KCNH5: variants seen among roughly 807,000 people sequenced by gnomAD.
KCNH5 encodes voltage-gated delayed rectifier potassium channel KCNH5.
A neutral mutation model predicts 96.1 loss-of-function variants in KCNH5; 46 were observed. That is an observed-to-expected ratio of 0.48 (90% CI 0.38 to 0.61). KCNH5 has a LOEUF of 0.61. Ranked by LOEUF, KCNH5 falls within the 20% of genes least tolerant of loss-of-function variation. The probability of loss-of-function intolerance (pLI) is 0.00; values close to 1 mark genes in which losing one functional copy is unlikely to be tolerated. For synonymous variants in KCNH5, 439 were observed against 449.8 expected (o/e 0.98, Z 0.30); for missense variants, 907 against 1,225.8 (o/e 0.74, Z 3.88).
chr14:62,736,546 C>T (rs1465243442), intron 10 of KCNH5, among the ~76,000 whole-genome samples: 4 of 152,140 alleles, frequency 2.6e-5, no homozygotes, highest in Admixed American at 1.3e-4. Context: ...AACCTCCCTC[C>T]AGCCAGGAAG....
intron 7 of KCNH5, among the ~76,000 whole-genome samples, chr14:62,939,798 G>C (rs1566715399): frequency 6.6e-6 from 1 of 152,042 alleles, no homozygotes; most frequent in Non-Finnish European, 1.5e-5. Context: ...AAATTAGCCA[G>C]ACGTGGTGGT....
intron 10 of KCNH5, among the ~76,000 whole-genome samples, chr14:62,747,326 A>G (rs1434479042): frequency 6.6e-6 from 1 of 152,038 alleles, no homozygotes; most frequent in African/African-American, 2.4e-5. Context: ...CAAGAGTGAA[A>G]CTTTGTCTCA....
intron 7 of KCNH5, among the ~76,000 whole-genome samples, chr14:62,910,134 CA>C (rs1285496583): frequency 1.4e-5 from 2 of 146,732 alleles, no homozygotes; most frequent in African/African-American, 2.7e-5. Flanking sequence ...CAATTCACTA[CA>C]CTAACATGTT....
At chr14:62,927,551 C>T (rs1274857776) in intron 7 of KCNH5, among the ~76,000 whole-genome samples, 1 of 152,000 alleles carries the variant, frequency 6.6e-6, no homozygotes, top group Admixed American at 6.6e-5. Context: ...TATTGTTCAC[C>T]CTTACAAAAG....
intron 10 of KCNH5, among the ~76,000 whole-genome samples, chr14:62,771,937 G>A (rs980330954): frequency 1.6e-4 from 24 of 152,116 alleles, no homozygotes; most frequent in Admixed American, 1.4e-3. Context: ...ATATAACATA[G>A]ACATGGTATT....
At chr14:62,958,238 A>C (rs2140136367) in intron 6 of KCNH5, among the ~76,000 whole-genome samples, 1 of 152,364 alleles carries the variant, frequency 6.6e-6, no homozygotes, top group South Asian at 2.1e-4. Flanking sequence ...GCCAACAAAT[A>C]CTTCATGAGA....
At position 62,705,380 on chromosome 14, in the gene KCNH5, TAAAC is replaced by T. The variant is rs1326209689; in HGVS notation, c.*2124_*2127del. 5 of 151,984 alleles carry T rather than the reference TAAAC, an allele frequency of 3.3e-5. No individual in the cohort carries two copies. Among genetic ancestry groups the T allele is most frequent in the Non-Finnish European group, 7.4e-5 (5 of 67,866 alleles). 9.4% of individuals were successfully genotyped at this position (151,984 alleles called of 1,614,324 possible). Reference sequence around the variant, plus strand: ...TTAAAAGCTTAAGCCAAACTTGACTTAAACAAATAGAAAAATACCCTGAAATTCA... The same window carrying T: ...TTAAAAGCTTAAGCCAAACTTGACTTAAATAGAAAAATACCCTGAAATTCA... On this transcript the variant is annotated 3_prime_UTR_variant, in exon 11 of 11. Coordinates refer to ENST00000322893, the MANE Select transcript of KCNH5 (RefSeq NM_139318.5).
intron 7 of KCNH5, among the ~76,000 whole-genome samples, chr14:62,912,448 C>T (rs1185251618): frequency 6.6e-6 from 1 of 151,460 alleles, no homozygotes; most frequent in Non-Finnish European, 1.5e-5. Context: ...CTTTTTTCGC[C>T]CTGGATGGAG....
At chr14:62,779,551 GT>G (rs938022218) in intron 10 of KCNH5, among the ~76,000 whole-genome samples, 176 bp downstream of exon 10, 7 of 151,966 alleles carry the variant, frequency 4.6e-5, no homozygotes, top group African/African-American at 9.7e-5. Context: ...TAGAAATAGG[GT>G]TTTTTTCCTT....
At chr14:62,844,695 C>T (rs1887655259) in intron 8 of KCNH5, among the ~76,000 whole-genome samples, 1 of 152,146 alleles carries the variant, frequency 6.6e-6, no homozygotes, top group African/African-American at 2.4e-5. Context: ...AGGCACTGTT[C>T]TATATTAAAA....
chr14:62,876,611 A>G (rs1337478621), intron 7 of KCNH5, among the ~76,000 whole-genome samples: 2 of 152,252 alleles, frequency 1.3e-5, no homozygotes, highest in Non-Finnish European at 2.9e-5. Flanking sequence ...CAAGTAGCAG[A>G]AAAATGTAAG....
chr14:62,720,320 A>C (rs1400515921), intron 10 of KCNH5, among the ~76,000 whole-genome samples: 1 of 152,186 alleles, frequency 6.6e-6, no homozygotes, highest in African/African-American at 2.4e-5. Flanking sequence ...TTTGGAGCAG[A>C]GGACTCACAT....
chr14:62,714,186 G>A (rs991589155), intron 10 of KCNH5, among the ~76,000 whole-genome samples: 1 of 152,022 alleles, frequency 6.6e-6, no homozygotes. Flanking sequence ...CTACTTGGGA[G>A]GCTGAGGCAG....
chr14:62,825,759 CTT>C (rs201087128), intron 8 of KCNH5, among the ~76,000 whole-genome samples: 1,819 of 151,640 alleles, frequency 0.012, 36 homozygotes, highest in African/African-American at 0.041. Context: ...CTTTCTGTCT[CTT>C]TGTTCCTTTC....
intron 9 of KCNH5, among the ~76,000 whole-genome samples, chr14:62,801,640 T>A (rs959679238): frequency 6.6e-6 from 1 of 152,044 alleles, no homozygotes; most frequent in African/African-American, 2.4e-5. Context: ...ATCTACTGAA[T>A]TCTAAATTCT....
intron 1 of KCNH5, among the ~76,000 whole-genome samples, chr14:63,031,427 A>T (rs1891623960): frequency 6.6e-6 from 1 of 152,156 alleles, no homozygotes; most frequent in Non-Finnish European, 1.5e-5. Flanking sequence ...TAAAGGCAAT[A>T]TAAGAGCATG....
intron 10 of KCNH5, among the ~76,000 whole-genome samples, chr14:62,769,205 A>T (rs1885933018): frequency 6.6e-6 from 1 of 152,248 alleles, no homozygotes; most frequent in Non-Finnish European, 1.5e-5. Context: ...CTCAAACGCC[A>T]TCACGCCTGT....
chr14:62,898,001 G>A (rs1464408928), intron 7 of KCNH5, among the ~76,000 whole-genome samples: 1 of 152,156 alleles, frequency 6.6e-6, no homozygotes, highest in Admixed American at 6.5e-5. Flanking sequence ...AGTATAATTG[G>A]ATGCTGAGTC....
At chr14:62,834,251 A>G (rs1381743286) in intron 8 of KCNH5, among the ~76,000 whole-genome samples, 3 of 151,974 alleles carry the variant, frequency 2.0e-5, no homozygotes, top group Non-Finnish European at 2.9e-5. Context: ...TTTCCTAGCT[A>G]GAATGTCATT....
Sources: allele counts gnomAD v4.1 joint callset (sites outside exome capture counted in the v4.1 genomes callset), GRCh38; gene constraint gnomAD v4.1.1; transcripts MANE v1.5; gene names NCBI Gene and HGNC (gene_info 2026-07-23, HGNC 2026-07-21).